ZNF829: variants seen among roughly 807,000 people sequenced by gnomAD.
The protein encoded by ZNF829 is zinc finger protein 829.
In ZNF829, 25 loss-of-function variants were observed where a neutral mutation model predicts 35.2. The observed-to-expected ratio is 0.71, with a 90% CI of 0.52 to 0.99. ZNF829 has a LOEUF of 0.99. ZNF829 is among the 50% of genes least tolerant of loss of function. The probability of loss-of-function intolerance (pLI) is 0.00; values close to 1 mark genes in which losing one functional copy is unlikely to be tolerated. For synonymous variants in ZNF829, 136 were observed against 163.2 expected, an observed-to-expected ratio of 0.83 and a Z score of 1.27; for missense variants, 417 against 515.3, an observed-to-expected ratio of 0.81 and a Z score of 1.85.
intron 4 of ZNF829, 88 bp downstream of exon 4, chr19:36,908,245 G>T: frequency 5.3e-6 from 8 of 1,507,570 alleles, no homozygotes; most frequent in Non-Finnish European, 5.4e-6. Context: ...CAGAAATTCA[G>T]CTGGTTACAT....
At chr19:36,911,939 G>T (rs1249280496) in intron 3 of ZNF829, among the ~76,000 whole-genome samples, 3 of 152,108 alleles carry the variant, frequency 2.0e-5, no homozygotes, top group African/African-American at 4.8e-5. Flanking sequence ...TTTCCAGCAG[G>T]GGCTTCTCTG....
intron 5 of ZNF829, among the ~76,000 whole-genome samples, chr19:36,902,847 G>C (rs192984878): frequency 1.5e-3 from 232 of 152,032 alleles, no homozygotes; most frequent in East Asian, 8.7e-3. Context: ...ACCAACCTGG[G>C]CAACATGGTG....
At chr19:36,896,715 C>T (rs10421212) in intron 5 of ZNF829, among the ~76,000 whole-genome samples, 2,052 of 152,230 alleles carry the variant, frequency 0.013, 56 homozygotes, top group African/African-American at 0.047. Context: ...AGAGACCATA[C>T]GTTAGGCCAT....
At chr19:36,907,364 T>C (rs1568371504) in intron 5 of ZNF829, 1 of 152,188 alleles carries the variant, frequency 6.6e-6, no homozygotes, top group East Asian at 1.9e-4. Flanking sequence ...AGGCTGGTGA[T>C]TGGGAAGGGG....
chr19:36,892,140 A>G lies in ZNF829; in HGVS notation c.651T>C (p.Cys217=). 1.2e-6 allele frequency: 2 copies of G among 1,614,104 alleles called. No homozygotes were observed. Among genetic ancestry groups the G allele is most frequent in the Non-Finnish European group, 1.7e-6 (2 of 1,179,994 alleles). The change falls in exon 6 of 6, where the codon TGT becomes TGC. Residue 217 remains cysteine, a synonymous_variant. Coordinates refer to ENST00000391711, the MANE Select transcript of ZNF829 (RefSeq NM_001037232.4). ...TGKKPYECKE[C]GKAFSCSSYF... ...ATGAACTACAACTAAAAGCCTTGCC[A>G]CATTCCTTACATTCATAGGGTTTTT... is the stretch of plus-strand genomic sequence containing the variant.
At position 36,888,390 on chromosome 19, in the gene ZNF829, T is replaced by C. The variant is rs2073017728; in HGVS notation, c.*3102A>G. 1 of 148,266 alleles carries C rather than the reference T, an allele frequency of 6.7e-6. No homozygotes were observed. Among genetic ancestry groups the C allele is most frequent in the African/African-American group, 2.6e-5 (1 of 37,784 alleles). The allele number at this position is 148,266 out of a possible 1,614,324, so 9.2% of individuals were successfully genotyped here. On this transcript the variant is annotated 3_prime_UTR_variant, in exon 6 of 6. Transcript: ENST00000391711. ...CTTTAATCTCCTTGCCCTGATGATA[T>C]CTGTCTCTACAATATCCAGTACTCC...
In ZNF829 at chr19:36,915,993, G is replaced by C. The variant is rs2073325163; in HGVS notation, c.-85+18C>G. 2 of 1,461,818 alleles carry C rather than the reference G, an allele frequency of 1.4e-6. No individual in the cohort carries two copies. Among genetic ancestry groups the C allele is most frequent in the Non-Finnish European group, 1.8e-6 (2 of 1,092,034 alleles). 90.6% of individuals were successfully genotyped at this position (1,461,818 alleles called of 1,614,324 possible). On this transcript the variant is annotated intron_variant, in intron 1 of 5. Transcript: ENST00000391711. The stretch of plus-strand genomic sequence containing the variant: ...TTGCAGACCTGAGCCAGTTCTCCTG[G>C]GGACCAAAATATCTCACCTCCCAGA...
rs911443602 is a variant in ZNF829 at position 36,889,359 on chromosome 19, T to C, written c.*2133A>G. ...CCTATAATTTTTGGAATAGTTTCAA[T>C]AGTGCTGTTACTAGTTCTTCCTTGC... On this transcript the variant is annotated 3_prime_UTR_variant, in exon 6 of 6. Coordinates refer to ENST00000391711, the MANE Select transcript of ZNF829 (RefSeq NM_001037232.4). 2.6e-5 allele frequency: 4 copies of C among 152,180 alleles called. No homozygotes were observed. Among genetic ancestry groups the C allele is most frequent in the Non-Finnish European group, 5.9e-5 (4 of 68,012 alleles). The allele number at this position is 152,180 out of a possible 1,614,324, so 9.4% of individuals were successfully genotyped here.
intron 3 of ZNF829, among the ~76,000 whole-genome samples, chr19:36,912,264 A>C (rs990139831): frequency 2.0e-5 from 3 of 152,350 alleles, no homozygotes; most frequent in African/African-American, 7.2e-5. Context: ...GTAAAATGAG[A>C]CTAGATTTTG....
chr19:36,915,116 GC>G lies in ZNF829; in HGVS notation c.38+13del. ...TTAGTCAAGTAAGAGTTCTTCCCCA[GC>G]CCCATTACCCACCACACATGAGGAA... On this transcript the variant is annotated intron_variant, in intron 2 of 5. Transcript: ENST00000391711. The G allele has an allele frequency of 6.2e-7, 1 of 1,614,050 alleles. No homozygotes were observed. Among genetic ancestry groups the G allele is most frequent in the Non-Finnish European group, 8.5e-7 (1 of 1,180,006 alleles).
chr19:36,910,056 A>G (rs976558348), intron 3 of ZNF829, among the ~76,000 whole-genome samples: 17 of 151,508 alleles, frequency 1.1e-4, no homozygotes, highest in Non-Finnish European at 2.2e-4. Context: ...ATGCCCTGCC[A>G]TTTTTCATGT....
At chr19:36,902,250 A>AT (rs2073174113) in intron 5 of ZNF829, 1 of 169,198 alleles carries the variant, frequency 5.9e-6, no homozygotes, top group Non-Finnish European at 1.3e-5. Context: ...AAAAACAGAA[A>AT]TTTTTAAAAA....
chr19:36,897,001 A>G (rs999249651), intron 5 of ZNF829, among the ~76,000 whole-genome samples: 1 of 152,186 alleles, frequency 6.6e-6, no homozygotes, highest in Non-Finnish European at 1.5e-5. Flanking sequence ...AGACTGAACC[A>G]GGAAGAAACA....
rs2073167507 is a variant in ZNF829, at chr19:36,901,717, G to A, written c.319+6212C>T. 6.8e-6 allele frequency: 3 copies of A among 439,148 alleles called. No homozygotes were observed. The Admixed American group carries it at 1.1e-4, about 16-fold the overall frequency. 27.2% of individuals were successfully genotyped at this position (439,148 alleles called of 1,614,324 possible). A position where few individuals can be genotyped will look rare whatever the true frequency, so the allele number is the denominator to read the frequency against. ...TGTGCTAGCCTTAAAAAATAAACAA[G>A]TCTTTCCAACTTGGATCCGGCAGAA... On this transcript the variant is annotated intron_variant, in intron 5 of 5. Coordinates refer to ENST00000391711, the MANE Select transcript of ZNF829 (RefSeq NM_001037232.4).
chr19:36,902,867 C>T (rs2073182374), intron 5 of ZNF829, among the ~76,000 whole-genome samples: 1 of 151,966 alleles, frequency 6.6e-6, no homozygotes, highest in South Asian at 2.1e-4. Flanking sequence ...GAAACCCCGT[C>T]TCTACTAAAA....
chr19:36,892,735 G>A, intron 5 of ZNF829: 1 of 555,536 alleles, frequency 1.8e-6, no homozygotes, highest in East Asian at 3.0e-5. Context: ...AAGCCTTGGT[G>A]AATACACAGT....
At chr19:36,902,344 T>C (rs2073174907) in intron 5 of ZNF829, among the ~76,000 whole-genome samples, 1 of 152,156 alleles carries the variant, frequency 6.6e-6, no homozygotes, top group African/African-American at 2.4e-5. Flanking sequence ...TTTAAGATTA[T>C]AAAAACTAGG....
chr19:36,900,030 G>A (rs1035392543), intron 5 of ZNF829, among the ~76,000 whole-genome samples: 3 of 151,934 alleles, frequency 2.0e-5, no homozygotes, highest in African/African-American at 7.3e-5. Flanking sequence ...AAGAGGCTGG[G>A]CATGGTGGCT....
At position 36,891,344 on chromosome 19, in the gene ZNF829, G is replaced by T. The variant is rs184064421; in HGVS notation, c.*148C>A. 2.7e-6 allele frequency: 2 copies of T among 750,484 alleles called. No individual in the cohort carries two copies. The highest frequency in any genetic ancestry group is 3.6e-5 in the Admixed American group (1 of 27,880). 46.5% of individuals were successfully genotyped at this position (750,484 alleles called of 1,614,324 possible). A position where few individuals can be genotyped will look rare whatever the true frequency, so the allele number is the denominator to read the frequency against. ...AATTTCTCTTGTTTTAAGCCACCAA[G>T]GTTTTGGTACTTGGTACTTTGTTAT... On this transcript the variant is annotated 3_prime_UTR_variant, in exon 6 of 6. Coordinates refer to ENST00000391711, the MANE Select transcript of ZNF829 (RefSeq NM_001037232.4).
Sources: gnomAD v4.1 joint callset for allele counts (sites outside exome capture counted in the v4.1 genomes callset) on GRCh38, gnomAD v4.1.1 for gene constraint, MANE v1.5 for transcripts, NCBI Gene and HGNC (gene_info 2026-07-23, HGNC 2026-07-21) for gene names.